Variants in GLIS1 observed in about 807,000 individuals in gnomAD.
The protein encoded by GLIS1 is GLIS family zinc finger 1.
Under a neutral mutation model 63.8 loss-of-function variants are expected in GLIS1, and 24 were observed. That is an observed-to-expected ratio of 0.38 (90% CI 0.27 to 0.53). GLIS1 has a LOEUF of 0.53. Ranked by LOEUF, GLIS1 falls within the 20% of genes least tolerant of loss-of-function variation. GLIS1 has a pLI of 0.85. For missense variants in GLIS1, 1,036 were observed against 1,074.1 expected (o/e 0.96, Z 0.50); for synonymous variants, 450 against 482.5 (o/e 0.93, Z 0.88).
chr1:53,528,008 C>T (rs1196382877), intron 5 of GLIS1, among the ~76,000 whole-genome samples: 3 of 152,030 alleles, frequency 2.0e-5, no homozygotes, highest in Non-Finnish European at 4.4e-5. Context: ...GAAGGTGGCC[C>T]GAGAGGCACG....
intron 2 of GLIS1, among the ~76,000 whole-genome samples, chr1:53,662,946 C>T (rs1450412327): frequency 2.0e-5 from 3 of 152,228 alleles, no homozygotes; most frequent in Non-Finnish European, 4.4e-5. Flanking sequence ...GAAAAGGTAA[C>T]TGCCCAAGGT....
chr1:53,574,559 G>C lies in GLIS1; in HGVS notation c.1320+19549C>G, dbSNP rs140762079. 2.3e-3 allele frequency among the ~76,000 whole-genome samples: 356 copies of C among 152,312 alleles called. 3 individuals carry two copies. Among genetic ancestry groups the C allele is most frequent in the African/African-American group, 8.2e-3 (340 of 41,566 alleles). On this transcript the variant is annotated intron_variant, in intron 4 of 10. Transcript: ENST00000628545. This position sits in a 1 kb window ranked among gnomAD's most constrained non-coding sequence, Gnocchi z 4.2. The stretch of plus-strand genomic sequence containing the variant: ...GAAACAGAAGCTTCAGAAAGGTAAA[G>C]TGACTTTCCCCCGGTCACACAGCAC...
intron 2 of GLIS1, among the ~76,000 whole-genome samples, chr1:53,622,270 A>G (rs1395760083): frequency 6.6e-6 from 1 of 151,854 alleles, no homozygotes; most frequent in Non-Finnish European, 1.5e-5. Flanking sequence ...TCTACTAAAA[A>G]TACAAATACT....
intron 2 of GLIS1, among the ~76,000 whole-genome samples, chr1:53,729,953 T>TA (rs1646843285): frequency 6.6e-6 from 1 of 152,176 alleles, no homozygotes; most frequent in South Asian, 2.1e-4. Flanking sequence ...AACACACAAT[T>TA]ACAGCCGTTT....
chr1:53,546,706 A>G (rs1179324220), intron 4 of GLIS1, among the ~76,000 whole-genome samples: 1 of 152,166 alleles, frequency 6.6e-6, no homozygotes, highest in African/African-American at 2.4e-5. Flanking sequence ...TGCTGCTATC[A>G]TTCTCTTCTG....
chr1:53,701,365 C>G (rs1222492159), intron 2 of GLIS1, among the ~76,000 whole-genome samples: 1 of 152,116 alleles, frequency 6.6e-6, no homozygotes, highest in Non-Finnish European at 1.5e-5. Context: ...TTCTGAACTC[C>G]CGACTCAGGG....
chr1:53,509,468 C>T (rs929959269), intron 9 of GLIS1, among the ~76,000 whole-genome samples, 181 bp from the exon 10 acceptor site: 1 of 152,084 alleles, frequency 6.6e-6, no homozygotes, highest in African/African-American at 2.4e-5. Flanking sequence ...TTCTCAGCTC[C>T]GCCCTGCAGG....
intron 5 of GLIS1, among the ~76,000 whole-genome samples, chr1:53,528,005 G>A (rs1644488312): frequency 6.6e-6 from 1 of 152,130 alleles, no homozygotes; most frequent in Admixed American, 6.5e-5. Context: ...AGGGAAGGTG[G>A]CCCGAGAGGC....
Position 53,639,433 on chromosome 1 carries a change from C to T in GLIS1, c.260-39155G>A, listed in dbSNP as rs1645762478. Among the ~76,000 whole-genome samples the T allele has an allele frequency of 6.6e-6, 1 of 151,994 alleles. No individual in the cohort carries two copies. The highest frequency in any genetic ancestry group is 1.5e-5 in the Non-Finnish European group (1 of 68,006). ...AGCCGCCACTCTGAGAACGCCTGTC[C>T]CTCTCGGGGCTGGCAGGAGGCACCC... On this transcript the variant is annotated intron_variant, in intron 2 of 10. Transcript: ENST00000628545. This position sits in a 1 kb window ranked among gnomAD's most constrained non-coding sequence, Gnocchi z 4.6.
intron 4 of GLIS1, among the ~76,000 whole-genome samples, chr1:53,557,076 T>C (rs991363339): frequency 2.6e-5 from 4 of 151,876 alleles, no homozygotes; most frequent in African/African-American, 9.7e-5. Flanking sequence ...CAGGTGAGCA[T>C]ATGTGTGTGC....
At chr1:53,571,618 T>G (rs970979579) in intron 4 of GLIS1, among the ~76,000 whole-genome samples, 6 of 152,062 alleles carry the variant, frequency 3.9e-5, no homozygotes, top group African/African-American at 1.4e-4. Flanking sequence ...ACTCTGTCAC[T>G]CAGTCTGGAG....
chr1:53,641,256 C>G (rs185935578), intron 2 of GLIS1, among the ~76,000 whole-genome samples: 80 of 152,300 alleles, frequency 5.3e-4, no homozygotes, highest in South Asian at 1.9e-3. Context: ...CTTACTCTTT[C>G]TGAGGCTGTT....
At chr1:53,715,951 G>T (rs1390960688) in intron 2 of GLIS1, among the ~76,000 whole-genome samples, 2 of 152,204 alleles carry the variant, frequency 1.3e-5, no homozygotes, top group African/African-American at 4.8e-5. Flanking sequence ...GAGCTGGCAG[G>T]TCCTGAAGCA....
At chr1:53,524,208 G>A (rs1644440257) in intron 6 of GLIS1, among the ~76,000 whole-genome samples, 1 of 152,208 alleles carries the variant, frequency 6.6e-6, no homozygotes, top group Non-Finnish European at 1.5e-5. Flanking sequence ...AGAGCCAGCG[G>A]AAGCAAGCCC....
intron 4 of GLIS1, among the ~76,000 whole-genome samples, chr1:53,546,323 C>CA (rs948030794): frequency 2.6e-5 from 4 of 152,364 alleles, no homozygotes; most frequent in African/African-American, 7.2e-5. Context: ...CAGCAGCAGC[C>CA]AAGAGTCATG....
At chr1:53,665,005 A>T (rs1001673971) in intron 2 of GLIS1, among the ~76,000 whole-genome samples, 1 of 152,144 alleles carries the variant, frequency 6.6e-6, no homozygotes, top group Non-Finnish European at 1.5e-5. Flanking sequence ...CGAGGGGGGC[A>T]CTGCTGCCAT....
intron 4 of GLIS1, among the ~76,000 whole-genome samples, chr1:53,555,454 C>T (rs369725219): frequency 1.3e-5 from 2 of 152,058 alleles, no homozygotes; most frequent in African/African-American, 4.8e-5. Flanking sequence ...CACCTGAACC[C>T]GGGAGGCAGA....
chr1:53,649,156 T>G (rs1411539598), intron 2 of GLIS1, among the ~76,000 whole-genome samples: 1 of 152,250 alleles, frequency 6.6e-6, no homozygotes, highest in Non-Finnish European at 1.5e-5. Context: ...ATAAAATGTA[T>G]GTAGATACTA....
chr1:53,695,606 C>G (rs935545701), intron 2 of GLIS1, among the ~76,000 whole-genome samples: 1 of 152,184 alleles, frequency 6.6e-6, no homozygotes, highest in African/African-American at 2.4e-5. Context: ...GGCCTCTTCC[C>G]TCCACCCTGT....
Sources: allele counts gnomAD v4.1 joint callset (sites outside exome capture counted in the v4.1 genomes callset), GRCh38; gene constraint gnomAD v4.1.1; non-coding constraint Gnocchi (gnomAD v3.1); transcripts MANE v1.5; gene names NCBI Gene and HGNC (gene_info 2026-07-23, HGNC 2026-07-21).